Variants in LRRK2 observed in about 807,000 individuals in gnomAD.
The protein encoded by LRRK2 is leucine-rich repeat serine/threonine-protein kinase 2.
A neutral mutation model predicts 302.6 loss-of-function variants in LRRK2; 203 were observed. The observed-to-expected ratio is 0.67, with a 90% CI of 0.60 to 0.75. The LOEUF (loss-of-function observed/expected upper bound fraction) is 0.75, where lower values mean the gene tolerates loss of function less well. Among genes scored for constraint, LRRK2 ranks in the 30% least tolerant of loss-of-function variants. The pLI is 0.00. For synonymous variants in LRRK2, 1,066 were observed against 1,031.9 expected (o/e 1.03, Z -0.63); for missense variants, 2,830 against 2,951.0 (o/e 0.96, Z 0.95).
chr12:40,366,625 T>TCTAAATACTCATATTTGTA (rs1424411039), intron 49 of LRRK2: 1 of 205,654 alleles, frequency 4.9e-6, no homozygotes, highest in Non-Finnish European at 9.9e-6. Context: ...TAAGTGTCCA[T>TCTAAATACTCATATTTGTA]CTAAATACTC....
intron 1 of LRRK2, 88 bp from the exon 2 acceptor site, chr12:40,225,467 T>C: frequency 7.4e-7 from 1 of 1,344,052 alleles, no homozygotes; most frequent in South Asian, 1.2e-5. Context: ...TTCACCTTTT[T>C]GACTTTTCTC....
At chr12:40,234,853 G>T (rs1253685034) in intron 3 of LRRK2, among the ~76,000 whole-genome samples, 1 of 151,528 alleles carries the variant, frequency 6.6e-6, no homozygotes, top group East Asian at 1.9e-4. Flanking sequence ...TATAAAAATG[G>T]GTTTGCTCTC....
chr12:40,318,438 G>A (rs1945293612), intron 33 of LRRK2, among the ~76,000 whole-genome samples: 1 of 152,076 alleles, frequency 6.6e-6, no homozygotes, highest in Non-Finnish European at 1.5e-5. Context: ...AGGTTAATAT[G>A]TGCTTTTCAA....
At chr12:40,329,733 T>C (rs753592879) in intron 39 of LRRK2, among the ~76,000 whole-genome samples, 6 of 152,110 alleles carry the variant, frequency 3.9e-5, no homozygotes, top group Non-Finnish European at 7.4e-5. Flanking sequence ...ATTTTTACCC[T>C]GATTTAAAAA....
Position 40,335,073 on chromosome 12 carries a change from T to A in LRRK2, c.5864T>A (p.Leu1955Ter). 6.2e-7 allele frequency: 1 copy of A among 1,614,114 alleles called. No individual in the cohort carries two copies. The highest frequency in any genetic ancestry group is 1.7e-5 in the Admixed American group (1 of 60,006). Residue 1955 changes from leucine to a stop codon, truncating the protein, a stop_gained, in exon 40 of 51, where the codon TTG becomes TAG. Transcript: ENST00000298910. LOFTEE classifies it high-confidence loss of function. ...ATGGAGTTAGCCTCCAAGGGTTCCT[T>A]GGATCGCCTGCTTCAGCAGGACAAA... ...LVMELASKGS[L>*]DRLLQQDKAS...
chr12:40,337,962 A>G (rs1945923265), intron 40 of LRRK2, among the ~76,000 whole-genome samples: 3 of 152,142 alleles, frequency 2.0e-5, no homozygotes, highest in Admixed American at 2.0e-4. Flanking sequence ...TTTCTTCACA[A>G]ACCATCTCTA....
rs375633844 is a variant in LRRK2 at position 40,260,765 on chromosome 12, G to A, written c.1543+1161G>A. Among the ~76,000 whole-genome samples the A allele has an allele frequency of 6.6e-5, 10 of 152,174 alleles. No homozygotes were observed. In the East Asian group the frequency reaches 1.2e-3, roughly 18 times the overall value. The stretch of plus-strand genomic sequence containing the variant: ...GGTAGTCAAGTGAGACCCAGTGAAG[G>A]GACCCAGCAATGGAAACACAGATGA... On this transcript the variant is annotated intron_variant, in intron 13 of 50. Coordinates refer to ENST00000298910, the MANE Select transcript of LRRK2 (RefSeq NM_198578.4).
In LRRK2 at chr12:40,364,285, A is replaced by G. The variant is rs183630975; in HGVS notation, c.7182-557A>G. 8.4e-3 allele frequency among the ~76,000 whole-genome samples: 1,240 copies of G among 147,812 alleles called. 26 individuals are homozygous for G. Among genetic ancestry groups the G allele is most frequent in the African/African-American group, 0.03 (1,194 of 39,480 alleles). On this transcript the variant is annotated intron_variant, in intron 48 of 50. Transcript: ENST00000298910. The stretch of plus-strand genomic sequence containing the variant: ...GGATTGTGAGAAGGGCTCACAGTTT[A>G]TGTTCAGAAGGGCCAACAGGTCTCC...
chr12:40,340,321 C>G lies in LRRK2; in HGVS notation c.5976C>G (p.Tyr1992Ter). 1 of 1,613,810 alleles carries G rather than the reference C, an allele frequency of 6.2e-7. No homozygotes were observed. Among genetic ancestry groups the G allele is most frequent in the Non-Finnish European group, 8.5e-7 (1 of 1,179,778 alleles). The change falls in exon 41 of 51, where the codon TAC becomes TAG. Residue 1992 changes from tyrosine to a stop codon, truncating the protein, a stop_gained. Transcript: ENST00000298910. LOFTEE classifies it high-confidence loss of function. ...LRYLHSAMIIYRDLKPHNVLL... is the reference protein window; with the variant it reads ...LRYLHSAMII ...ACCTCCACTCAGCCATGATTATATACCGAGACCTGAAACCCCACAATGTGC... is the reference window on the plus strand; with the variant it reads ...ACCTCCACTCAGCCATGATTATATAGCGAGACCTGAAACCCCACAATGTGC...
rs201718451 is a variant in LRRK2 at position 40,295,463 on chromosome 12, A to G, written c.2915A>G (p.Asp972Gly). 41 of 1,613,634 alleles carry G rather than the reference A, an allele frequency of 2.5e-5. No homozygotes were observed. Among genetic ancestry groups the G allele is most frequent in the Middle Eastern group, 3.3e-4 (2 of 6,050 alleles). ...SKLQSHMRHSDSISSLASERE... is the reference protein window; with the variant it reads ...SKLQSHMRHSGSISSLASERE... ...CTTCAATCCCATATGAGGCATTCAG[A>G]CAGCATTTCTTCTCTGGCTTCTGAG... Residue 972 changes from aspartate to glycine, a missense_variant, in exon 23 of 51, where the codon GAC becomes GGC. Physicochemically the swap from Asp to Gly is moderately conservative, Grantham distance 94 (BLOSUM62 -1). Around this residue, in one of 3 missense-constraint regions of LRRK2, gnomAD observed 2,121 missense variants for 2,148.0 expected, o/e 0.99. Coordinates refer to ENST00000298910, the MANE Select transcript of LRRK2 (RefSeq NM_198578.4).
In LRRK2 at chr12:40,359,430, A is replaced by G; in HGVS notation, c.7014A>G (p.Thr2338=). 6.2e-7 allele frequency: 1 copy of G among 1,613,148 alleles called. No homozygotes were observed. The highest frequency in any genetic ancestry group is 8.5e-7 in the Non-Finnish European group (1 of 1,179,438). Residue 2338 remains threonine, a synonymous_variant, in exon 47 of 51, where the codon ACA becomes ACG. Coordinates refer to ENST00000298910, the MANE Select transcript of LRRK2 (RefSeq NM_198578.4). ...TCACCATTCAGAAACTCATTGAGAC[A>G]AGAACAAGCCAACTGTAAGTTATTT... ...NDFTIQKLIE[T]RTSQLFSYAA... is the part of the protein sequence containing the mutation.
At chr12:40,239,022 G>A (rs1941600357) in intron 5 of LRRK2, among the ~76,000 whole-genome samples, 1 of 152,176 alleles carries the variant, frequency 6.6e-6, no homozygotes, top group African/African-American at 2.4e-5. Flanking sequence ...CCAGAAATTT[G>A]TCTGTTTGCT....
Position 40,310,735 on chromosome 12 carries a change from A to G in LRRK2, c.4536+86A>G. The G allele has an allele frequency of 2.2e-6, 3 of 1,369,060 alleles. No homozygotes were observed. In the African/African-American group the frequency reaches 4.3e-5, roughly 20 times the overall value. 84.8% of individuals were successfully genotyped at this position (1,369,060 alleles called of 1,614,324 possible). On this transcript the variant is annotated intron_variant, in intron 31 of 50. Transcript: ENST00000298910. The stretch of plus-strand genomic sequence containing the variant: ...AGAAATTTTGAGAAGTGAGCAACTC[A>G]CTTAAAATTGTGGGTTTTCTTTCCT...
chr12:40,291,589 C>T (rs1372931501), intron 20 of LRRK2, among the ~76,000 whole-genome samples: 1 of 151,716 alleles, frequency 6.6e-6, no homozygotes, highest in Non-Finnish European at 1.5e-5. Context: ...AGATAACCTA[C>T]TCTGATGATT....
At chr12:40,292,924 A>G (rs1340615397) in intron 20 of LRRK2, among the ~76,000 whole-genome samples, 6 of 152,022 alleles carry the variant, frequency 3.9e-5, no homozygotes, top group African/African-American at 1.4e-4. Flanking sequence ...GTTTATTTTA[A>G]TACCATTCCA....
Position 40,339,124 on chromosome 12 carries a change from C to T in LRRK2, c.5949-1170C>T, listed in dbSNP as rs138308832. 1.8e-3 allele frequency among the ~76,000 whole-genome samples: 279 copies of T among 152,268 alleles called. 2 individuals carry two copies. Among genetic ancestry groups the T allele is most frequent in the African/African-American group, 6.0e-3 (248 of 41,562 alleles). ...TCATACAATTGAAAGTTCAGGGTAT[C>T]GTTGCTGCTCTGCTTCTAATCCTTC... On this transcript the variant is annotated intron_variant, in intron 40 of 50. Transcript: ENST00000298910.
At chr12:40,255,826 T>G (rs938820215) in intron 11 of LRRK2, among the ~76,000 whole-genome samples, 5 of 152,208 alleles carry the variant, frequency 3.3e-5, no homozygotes, top group Admixed American at 3.3e-4. Flanking sequence ...TCAAGCAAAG[T>G]AACCAACTCT....
chr12:40,321,950 G>A (rs1945414908), intron 35 of LRRK2, 85 bp from the exon 36 acceptor site: 2 of 1,311,310 alleles, frequency 1.5e-6, no homozygotes, highest in African/African-American at 2.9e-5. Context: ...GAATAGATCT[G>A]TATTACAATC....
At chr12:40,339,851 T>A (rs1381063134) in intron 40 of LRRK2, among the ~76,000 whole-genome samples, 1 of 152,216 alleles carries the variant, frequency 6.6e-6, no homozygotes, top group African/African-American at 2.4e-5. Flanking sequence ...TAAACCTCTA[T>A]GTGGTTTTAG....
Sources: allele counts gnomAD v4.1 joint callset (sites outside exome capture counted in the v4.1 genomes callset), GRCh38; gene constraint gnomAD v4.1.1; regional missense constraint gnomAD v4.1.1; transcripts MANE v1.5; gene names NCBI Gene and HGNC (gene_info 2026-07-23, HGNC 2026-07-21).